GABRB3: variants seen among roughly 807,000 people sequenced by gnomAD.
GABRB3 encodes the protein gamma-aminobutyric acid receptor subunit beta-3.
In GABRB3, 14 loss-of-function variants were observed where a neutral mutation model predicts 52.1. That is an observed-to-expected ratio of 0.27 (90% CI 0.18 to 0.42). The LOEUF is 0.42. GABRB3 is among the 10% of genes least tolerant of loss of function. The pLI is 1.00. For synonymous variants in GABRB3, 260 were observed against 232.3 expected (o/e 1.12, Z -1.08); for missense variants, 307 against 609.1 (o/e 0.50, Z 5.22).
chr15:26,735,620 T>C lies in GABRB3; in HGVS notation c.240+36782A>G, dbSNP rs953372206. 2.0e-5 allele frequency among the ~76,000 whole-genome samples: 3 copies of C among 152,168 alleles called. No homozygotes were observed. The East Asian group carries it at 5.8e-4, about 29-fold the overall frequency. ...AAGGAAATTCTGGCACAAGCTACAA[T>C]GTGGATAAACCTTGAGGCCATTATT... On this transcript the variant is annotated intron_variant, in intron 3 of 8. Transcript: ENST00000311550.
chr15:26,700,013 TAA>T (rs1255265251), intron 3 of GABRB3, among the ~76,000 whole-genome samples: 1 of 150,620 alleles, frequency 6.6e-6, no homozygotes, highest in East Asian at 1.9e-4. Context: ...TAGAAGTCAA[TAA>T]GAGAGAAAAC....
At chr15:26,651,951 G>A (rs981651016) in intron 3 of GABRB3, among the ~76,000 whole-genome samples, 1 of 152,168 alleles carries the variant, frequency 6.6e-6, no homozygotes, top group African/African-American at 2.4e-5. Flanking sequence ...CATGCAGCCA[G>A]GTCTTCCCTT....
At chr15:26,704,478 C>A (rs1454341879) in intron 3 of GABRB3, among the ~76,000 whole-genome samples, 3 of 152,178 alleles carry the variant, frequency 2.0e-5, no homozygotes, top group Non-Finnish European at 2.9e-5. Flanking sequence ...TTTGGCCACA[C>A]CCTTGGTTTT....
At chr15:26,638,972 C>A (rs919843342) in intron 3 of GABRB3, among the ~76,000 whole-genome samples, 3 of 152,078 alleles carry the variant, frequency 2.0e-5, no homozygotes, top group African/African-American at 7.2e-5. Context: ...TTCTGGGATT[C>A]TAGTGGATGT....
intron 4 of GABRB3, among the ~76,000 whole-genome samples, chr15:26,609,103 T>TACACACACAC (rs79471574): frequency 1.4e-5 from 2 of 143,376 alleles, no homozygotes; most frequent in African/African-American, 5.7e-5. Flanking sequence ...CACACACACA[T>TACACACACAC]ACACACACAC....
At chr15:26,712,142 G>A (rs1219481901) in intron 3 of GABRB3, among the ~76,000 whole-genome samples, 1 of 151,654 alleles carries the variant, frequency 6.6e-6, no homozygotes, top group Non-Finnish European at 1.5e-5. Flanking sequence ...GGATGTGAAG[G>A]AGAAGGAGAA....
chr15:26,610,776 G>A (rs373516608), intron 4 of GABRB3, among the ~76,000 whole-genome samples: 14 of 152,258 alleles, frequency 9.2e-5, no homozygotes, highest in South Asian at 2.1e-4. Context: ...TCGTAAATTC[G>A]TGGGTTTGTA....
intron 3 of GABRB3, among the ~76,000 whole-genome samples, chr15:26,769,710 G>T (rs78742332): frequency 0.018 from 2,718 of 152,110 alleles, 91 homozygotes; most frequent in African/African-American, 0.063. Flanking sequence ...TTTATTTCAT[G>T]AAAGTTTCCA....
At chr15:26,564,944 T>C (rs1890111733) in intron 7 of GABRB3, among the ~76,000 whole-genome samples, 1 of 152,212 alleles carries the variant, frequency 6.6e-6, no homozygotes, top group Non-Finnish European at 1.5e-5. Flanking sequence ...TCATACTAAC[T>C]GGATTGAAAT....
At chr15:26,747,161 A>G (rs148326813) in intron 3 of GABRB3, among the ~76,000 whole-genome samples, 117 of 152,340 alleles carry the variant, frequency 7.7e-4, no homozygotes, top group African/African-American at 2.5e-3. Flanking sequence ...TCCTCAAATC[A>G]GTCTATAGCT....
intron 4 of GABRB3, among the ~76,000 whole-genome samples, chr15:26,620,310 T>C (rs1892435441): frequency 6.6e-6 from 1 of 152,204 alleles, no homozygotes; most frequent in Non-Finnish European, 1.5e-5. Context: ...GTCACTCACA[T>C]GTTCTATTTG....
At position 26,621,346 on chromosome 15, in the gene GABRB3, A is replaced by G; in HGVS notation, c.429T>C (p.Leu143=). ...GVTVKNRMIR[L]HPDGTVLYGL... is the part of the protein sequence containing the mutation. ...CATACAGCACTGTCCCATCAGGGTG[A>G]AGACGGATCATGCGGTTTTTCACTG... The change falls in exon 4 of 9, where the codon CTT becomes CTC. Residue 143 remains leucine, a synonymous_variant. Coordinates refer to ENST00000311550, the MANE Select transcript of GABRB3 (RefSeq NM_000814.6). The surrounding 1 kb of genome is among the most constrained non-coding windows in gnomAD (Gnocchi z 4.1). 6.2e-7 allele frequency: 1 copy of G among 1,613,986 alleles called. No individual in the cohort carries two copies. The highest frequency in any genetic ancestry group is 1.3e-5 in the African/African-American group (1 of 75,034).
chr15:26,661,517 G>A (rs1159107677), intron 3 of GABRB3, among the ~76,000 whole-genome samples: 1 of 152,066 alleles, frequency 6.6e-6, no homozygotes, highest in African/African-American at 2.4e-5. Context: ...ATATTCACTC[G>A]TCAGCCAGGG....
intron 4 of GABRB3, among the ~76,000 whole-genome samples, chr15:26,601,833 G>C (rs1891601082): frequency 6.6e-6 from 1 of 151,828 alleles, no homozygotes; most frequent in African/African-American, 2.4e-5. Context: ...AAGGAAGACA[G>C]GAAAGAAGAA....
chr15:26,734,008 CCTAAAA>C (rs928433457), intron 3 of GABRB3, among the ~76,000 whole-genome samples: 1 of 149,056 alleles, frequency 6.7e-6, no homozygotes, highest in African/African-American at 2.5e-5. Flanking sequence ...AAATGTAAGC[CCTAAAA>C]CTATAGGGCT....
chr15:26,625,100 G>A (rs1050227615), intron 3 of GABRB3: 24 of 350,566 alleles, frequency 6.8e-5, no homozygotes, highest in South Asian at 1.2e-4. Context: ...CTAGTAACCC[G>A]GGATAGTGGA....
At chr15:26,609,097 C>CACACAT (rs779919700) in intron 4 of GABRB3, among the ~76,000 whole-genome samples, 4 of 56,472 alleles carry the variant, frequency 7.1e-5, no homozygotes, top group African/African-American at 2.3e-4. Context: ...CACACACACA[C>CACACAT]ACACATACAC....
chr15:26,728,075 T>C (rs1289651874), intron 3 of GABRB3, among the ~76,000 whole-genome samples: 1 of 152,120 alleles, frequency 6.6e-6, no homozygotes, highest in African/African-American at 2.4e-5. Context: ...ATTCTGCCCA[T>C]CCCAGACCAT....
At chr15:26,667,246 CG>C (rs1199774997) in intron 3 of GABRB3, among the ~76,000 whole-genome samples, 2 of 152,144 alleles carry the variant, frequency 1.3e-5, no homozygotes, top group Non-Finnish European at 2.9e-5. Flanking sequence ...TGCCAGAGCC[CG>C]AGGAGTGAAC....
Sources: allele counts gnomAD v4.1 joint callset (sites outside exome capture counted in the v4.1 genomes callset), GRCh38; gene constraint gnomAD v4.1.1; non-coding constraint Gnocchi (gnomAD v3.1); transcripts MANE v1.5; gene names NCBI Gene and HGNC (gene_info 2026-07-23, HGNC 2026-07-21).